Variants in SARDH observed in about 807,000 individuals in gnomAD.
SARDH encodes the protein sarcosine dehydrogenase, mitochondrial.
Under a neutral mutation model 109.1 loss-of-function variants are expected in SARDH, and 95 were observed. The ratio of observed to expected loss-of-function variants is 0.87; its 90% CI spans 0.74 to 1.03. SARDH has a LOEUF of 1.03. Ranked by LOEUF, SARDH falls within the 50% of genes least tolerant of loss-of-function variation. The pLI is 0.00. For synonymous variants in SARDH, 572 were observed against 534.8 expected (o/e 1.07, Z -0.96); for missense variants, 1,267 against 1,287.8 (o/e 0.98, Z 0.25).
chr9:133,664,089 G>T, intron 20 of SARDH, 75 bp from the exon 21 acceptor site: 1 of 1,562,294 alleles, frequency 6.4e-7, no homozygotes, highest in African/African-American at 1.4e-5. Flanking sequence ...CTTCTCTGGA[G>T]GAGGGGGTCT....
chr9:133,732,597 C>G lies in SARDH; in HGVS notation c.336G>C (p.Leu112=). 1 of 1,604,048 alleles carries G rather than the reference C, an allele frequency of 6.2e-7. No homozygotes were observed. The highest frequency in any genetic ancestry group is 8.5e-7 in the Non-Finnish European group (1 of 1,174,586). ...CGTCACTGGGCCGCAGCTGCCACAG[C>G]AGGCCTGCCCGGGAGGGTGGGTGCC... ...TSGTTWHTAG[L]LWQLRPSDVE... The change falls in exon 3 of 21, where the codon CTG becomes CTC. Residue 112 remains leucine, a synonymous_variant. Coordinates refer to ENST00000439388, the MANE Select transcript of SARDH (RefSeq NM_001134707.2).
At chr9:133,725,325 A>C in intron 6 of SARDH, 1 of 213,540 alleles carries the variant, frequency 4.7e-6, no homozygotes, top group Non-Finnish European at 9.6e-6. Flanking sequence ...AAAAACTGTT[A>C]ATAACTCCAA....
At chr9:133,672,795 G>A (rs1830393488) in intron 17 of SARDH, among the ~76,000 whole-genome samples, 1 of 152,276 alleles carries the variant, frequency 6.6e-6, no homozygotes, top group East Asian at 1.9e-4. Context: ...CTAGCAGGCA[G>A]ACCAGGAGAT....
chr9:133,699,887 A>G (rs1485841970), intron 13 of SARDH, among the ~76,000 whole-genome samples: 1 of 152,242 alleles, frequency 6.6e-6, no homozygotes, highest in East Asian at 1.9e-4. Context: ...ATTATAACAT[A>G]CATGCATACG....
intron 19 of SARDH, among the ~76,000 whole-genome samples, chr9:133,668,299 C>G (rs1427614401): frequency 2.2e-5 from 3 of 135,746 alleles, no homozygotes; most frequent in East Asian, 4.5e-4. Context: ...CTCTCCCTCC[C>G]TCTCCCTCCC....
In SARDH at chr9:133,709,884, G is replaced by C. The variant is rs1003059572; in HGVS notation, c.1329-1456C>G. On this transcript the variant is annotated intron_variant, in intron 10 of 20. Transcript: ENST00000439388. This position sits in a 1 kb window ranked among gnomAD's most constrained non-coding sequence, Gnocchi z 4.2. ...CACGGCAAAGGCAGCCCACACCTGC[G>C]CCAGGCTATGCTGACCAGGAGCTGA... Among the ~76,000 whole-genome samples the C allele has an allele frequency of 2.0e-5, 3 of 152,064 alleles. No individual in the cohort carries two copies. Among genetic ancestry groups the C allele is most frequent in the African/African-American group, 7.2e-5 (3 of 41,392 alleles).
rs1177211050 is a variant in SARDH, at chr9:133,734,076, C to A, written c.98G>T (p.Gly33Val). The change falls in exon 2 of 21, where the codon GGC becomes GTC. Residue 33 changes from glycine (G) to valine (V), a missense_variant. Gly to Val is a moderately radical substitution (Grantham distance 109, BLOSUM62 -3). Transcript: ENST00000439388. Reference protein sequence around the residue: ...MGPCNLSSAAGPTAEKSVPYQ... With the variant: ...MGPCNLSSAAVPTAEKSVPYQ... ...TGGCACACTCTTCTCGGCTGTGGGGCCAGCTGCGCTGGACAGGTTGCATGG... is the reference window on the plus strand; with the variant it reads ...TGGCACACTCTTCTCGGCTGTGGGGACAGCTGCGCTGGACAGGTTGCATGG... The A allele has an allele frequency of 6.2e-7, 1 of 1,613,186 alleles. No individual in the cohort carries two copies. Among genetic ancestry groups the A allele is most frequent in the South Asian group, 1.1e-5 (1 of 91,062 alleles).
Position 133,718,897 on chromosome 9 carries a change from C to T in SARDH, c.1020+41G>A. 2 of 1,465,556 alleles carry T rather than the reference C, an allele frequency of 1.4e-6. No individual in the cohort carries two copies. Among genetic ancestry groups the T allele is most frequent in the Non-Finnish European group, 1.9e-6 (2 of 1,045,538 alleles). The allele number at this position is 1,465,556 out of a possible 1,614,324, so 90.8% of individuals were successfully genotyped here. ...AGGCCCTCTCCATGCTGAGATGCAG[C>T]CCCAACTCCCTCCCATTATCCCAGG... On this transcript the variant is annotated intron_variant, in intron 7 of 20. Coordinates refer to ENST00000439388, the MANE Select transcript of SARDH (RefSeq NM_001134707.2). The surrounding 1 kb of genome is among the most constrained non-coding windows in gnomAD (Gnocchi z 4.2).
At chr9:133,729,723 G>GC (rs765744096) in intron 6 of SARDH, 42 bp downstream of exon 6, 2 of 1,557,064 alleles carry the variant, frequency 1.3e-6, no homozygotes, top group Non-Finnish European at 1.8e-6. Context: ...AGGTCTCTGT[G>GC]CCCCCCACAG....
chr9:133,708,410 G>A lies in SARDH; in HGVS notation c.1347C>T (p.Leu449=). 1 of 1,611,254 alleles carries A rather than the reference G, an allele frequency of 6.2e-7. No individual in the cohort carries two copies. Among genetic ancestry groups the A allele is most frequent in the African/African-American group, 1.3e-5 (1 of 74,968 alleles). The change falls in exon 11 of 21, where the codon CTC becomes CTT. Residue 449 remains leucine (L), a synonymous_variant. Coordinates refer to ENST00000439388, the MANE Select transcript of SARDH (RefSeq NM_001134707.2). The part of the protein sequence containing the change: ...GYDIRRFHHS[L]TDHPRWIRER... The stretch of plus-strand genomic sequence containing the variant: ...CTCGGATCCAGCGGGGGTGGTCCGT[G>A]AGCGAGTGATGGAAGCGCCTGCCGC...
chr9:133,713,098 G>T lies in SARDH; in HGVS notation c.1177C>A (p.Leu393Met), dbSNP rs1184481047. Reference sequence around the variant, plus strand: ...CGGAGCTCAGGTGCCTCCCCCATCAGGGGCTTGTGGTCGGGCGTGAAGGAT... The same window carrying T: ...CGGAGCTCAGGTGCCTCCCCCATCATGGGCTTGTGGTCGGGCGTGAAGGAT... ...PESFTPDHKP[L>M]MGEAPELRGF... Residue 393 changes from leucine (L) to methionine (M), a missense_variant, in exon 9 of 21, where the codon CTG becomes ATG. Leu to Met is a conservative substitution (Grantham distance 15). Coordinates refer to ENST00000439388, the MANE Select transcript of SARDH (RefSeq NM_001134707.2). The T allele has an allele frequency of 6.2e-7, 1 of 1,613,298 alleles. No individual in the cohort carries two copies. The highest frequency in any genetic ancestry group is 8.5e-7 in the Non-Finnish European group (1 of 1,179,954).
chr9:133,663,535 A>G (rs1390494046), downstream of SARDH: 1 of 297,578 alleles, frequency 3.4e-6, no homozygotes, highest in Non-Finnish European at 6.2e-6. Context: ...CCTGGAGTAA[A>G]AGATGAAGCC....
chr9:133,669,695 C>T (rs753605428), intron 19 of SARDH, among the ~76,000 whole-genome samples: 3 of 152,192 alleles, frequency 2.0e-5, no homozygotes, highest in South Asian at 2.1e-4. Context: ...CCACCTCTGC[C>T]GTGTGACTGG....
chr9:133,713,867 C>T (rs1038194353), intron 8 of SARDH, among the ~76,000 whole-genome samples: 8 of 152,208 alleles, frequency 5.3e-5, no homozygotes, highest in Non-Finnish European at 8.8e-5. Flanking sequence ...GCTGTGCGCT[C>T]GCCAGCCTAC....
intron 1 of SARDH, among the ~76,000 whole-genome samples, chr9:133,736,373 G>GTT (rs58051547): frequency 1.5e-5 from 2 of 137,044 alleles, no homozygotes; most frequent in African/African-American, 2.6e-5. Context: ...TTTAAATTCT[G>GTT]TTTTGTTGTT....
chr9:133,696,432 G>A, intron 13 of SARDH, 71 bp from the exon 14 acceptor site: 1 of 1,600,878 alleles, frequency 6.2e-7, no homozygotes, highest in East Asian at 2.2e-5. Flanking sequence ...AGAACGTGGA[G>A]AACGGGGGCT....
chr9:133,718,822 C>T lies in SARDH; in HGVS notation c.1020+116G>A, dbSNP rs1832221381. ...CTTGGTGGGGTCAGGGGACCGGCCA[C>T]TTCTCAGGTGTGCCTCTGAGGAGCT... is the stretch of plus-strand genomic sequence containing the variant. On this transcript the variant is annotated intron_variant, in intron 7 of 20. Transcript: ENST00000439388. This position sits in a 1 kb window ranked among gnomAD's most constrained non-coding sequence, Gnocchi z 4.2. The T allele has an allele frequency of 5.6e-6, 5 of 885,344 alleles. No individual in the cohort carries two copies. The highest frequency in any genetic ancestry group is 5.2e-5 in the South Asian group (4 of 76,328). 54.8% of individuals were successfully genotyped at this position (885,344 alleles called of 1,614,324 possible).
At chr9:133,711,920 C>T (rs753684632) in intron 10 of SARDH, among the ~76,000 whole-genome samples, 26 of 152,192 alleles carry the variant, frequency 1.7e-4, no homozygotes, top group Non-Finnish European at 3.5e-4. Flanking sequence ...GGAGGAGCCT[C>T]CCCCCTTGCC....
chr9:133,668,331 CTCTCCCTCAT>C (rs1427310177), intron 19 of SARDH, among the ~76,000 whole-genome samples: 40 of 125,402 alleles, frequency 3.2e-4, no homozygotes, highest in Non-Finnish European at 5.1e-4. Context: ...CTCCCTCTCC[CTCTCCCTCAT>C]TCTCCCTCAC....
Sources: gnomAD v4.1 joint callset for allele counts (sites outside exome capture counted in the v4.1 genomes callset) on GRCh38, gnomAD v4.1.1 for gene constraint, Gnocchi (gnomAD v3.1) non-coding constraint, MANE v1.5 for transcripts, NCBI Gene and HGNC (gene_info 2026-07-23, HGNC 2026-07-21) for gene names.